The following KLC3 variants were observed in gnomAD, a reference collection of about 807,000 sequenced individuals.
KLC3 encodes kinesin light chain 3.
Under a neutral mutation model 62.9 loss-of-function variants are expected in KLC3, and 72 were observed. The observed-to-expected ratio is 1.15, with a 90% CI of 0.95 to 1.39. The LOEUF (loss-of-function observed/expected upper bound fraction) is 1.39, where lower values mean the gene tolerates loss of function less well. KLC3 is among the 40% of genes most tolerant of loss of function. The probability of loss-of-function intolerance (pLI) is 0.00; values close to 1 mark genes in which losing one functional copy is unlikely to be tolerated. For missense variants in KLC3, 848 were observed against 691.6 expected (o/e 1.23, Z -2.54); for synonymous variants, 377 against 300.5 (o/e 1.25, Z -2.63).
At position 45,345,804 on chromosome 19, in the gene KLC3, G is replaced by A. The variant is rs1599706675; in HGVS notation, c.258+5G>A. 3 of 1,544,814 alleles carry A rather than the reference G, an allele frequency of 1.9e-6. No homozygotes were observed. In the African/African-American group the frequency reaches 4.1e-5, roughly 21 times the overall value. ...CTGGGGCTGGGCGAGGCCCAGGTAT[G>A]AGGGGGCCAGGTGGGGAGCTGGGGG... On this transcript the variant is annotated splice_donor_5th_base_variant and intron_variant, in intron 2 of 12. Transcript: ENST00000391946.
intron 1 of KLC3, among the ~76,000 whole-genome samples, chr19:45,341,576 T>TGCGC (rs1188553164): frequency 3.2e-4 from 41 of 130,048 alleles, no homozygotes; most frequent in African/African-American, 9.1e-4. Context: ...TGTGTGTGTG[T>TGCGC]GTGCGCGCGC....
rs1568523152 is a variant in KLC3, at chr19:45,347,362, AAAC to A, written c.490-82_490-80del. 19 of 1,064,548 alleles carry A rather than the reference AAAC, an allele frequency of 1.8e-5. No individual in the cohort carries two copies. In the African/African-American group the frequency reaches 2.3e-4, roughly 13 times the overall value. 65.9% of individuals were successfully genotyped at this position (1,064,548 alleles called of 1,614,324 possible). A position where few individuals can be genotyped will look rare whatever the true frequency, so the allele number is the denominator to read the frequency against. On this transcript the variant is annotated intron_variant, in intron 3 of 12. Coordinates refer to ENST00000391946, the MANE Select transcript of KLC3 (RefSeq NM_177417.3). Reference sequence around the variant, plus strand: ...TCTCAAAAAAAAAAAAAAAACAAAAAAACAAAAACCTGAGATAGAGCCAGGGCC... The same window carrying A: ...TCTCAAAAAAAAAAAAAAAACAAAAAAAAAACCTGAGATAGAGCCAGGGCC...
chr19:45,350,906 G>A (rs1221589468), intron 11 of KLC3, 48 bp from the exon 12 acceptor site: 44 of 1,594,950 alleles, frequency 2.8e-5, no homozygotes, highest in Non-Finnish European at 3.6e-5. Flanking sequence ...TCGTGGAGGG[G>A]GGCCACTCCT....
intron 1 of KLC3, among the ~76,000 whole-genome samples, chr19:45,341,295 CTGTG>C (rs759172989): frequency 5.8e-4 from 88 of 151,366 alleles, no homozygotes; most frequent in Non-Finnish European, 1.0e-3. Context: ...TGTGATGGGA[CTGTG>C]TGTATGATGT....
chr19:45,346,859 C>A, intron 3 of KLC3, 85 bp downstream of exon 3: 1 of 1,254,622 alleles, frequency 8.0e-7, no homozygotes. Context: ...ATCCCACAGT[C>A]CCCAAGATCC....
intron 8 of KLC3, 181 bp downstream of exon 8, chr19:45,349,783 T>G: frequency 1.7e-6 from 1 of 597,550 alleles, no homozygotes; most frequent in Non-Finnish European, 2.8e-6. Flanking sequence ...AGGAAACGCG[T>G]AAGTCCACGG....
At chr19:45,349,702 G>GGGGGCCCCCCAGGCC (rs1555774277) in intron 8 of KLC3, 100 bp downstream of exon 8, 41 of 813,446 alleles carry the variant, frequency 5.0e-5, no homozygotes, top group Admixed American at 6.3e-5. Context: ...AGGGTGGGGG[G>GGGGGCCCCCCAGGCC]GGGCCCCCCA....
In KLC3 at chr19:45,351,280, C is replaced by A. The variant is rs371604056; in HGVS notation, c.1444-6C>A. ...CCCTCCAACCATCCCCTGTGCCTGT[C>A]TCCAGTTTCCCAGCTGGCACCTGGA... is the stretch of plus-strand genomic sequence containing the variant. On this transcript the variant is annotated splice_region_variant and splice_polypyrimidine_tract_variant and intron_variant, in intron 12 of 12. Coordinates refer to ENST00000391946, the MANE Select transcript of KLC3 (RefSeq NM_177417.3). 6.0e-5 allele frequency: 96 copies of A among 1,612,338 alleles called. No individual in the cohort carries two copies. Among genetic ancestry groups the A allele is most frequent in the Non-Finnish European group, 1.7e-6 (2 of 1,179,882 alleles).
chr19:45,349,901 C>A (rs192908789), intron 8 of KLC3: 3 of 457,484 alleles, frequency 6.6e-6, no homozygotes, highest in Non-Finnish European at 3.9e-6. Flanking sequence ...GTCCCCACAT[C>A]GCTAGTTCTT....
At position 45,350,531 on chromosome 19, in the gene KLC3, ACAGCTGGTGACG is replaced by A; in HGVS notation, c.1256_1267del (p.Ala419_Ala422del). ...CCCCCTAGGTGCCCCCAACACAGGC[ACAGCTGGTGACG>A]CAGAACAGGTGAGGATGGGCTGTGC... On this transcript the variant is annotated inframe_deletion, in exon 10 of 13. Transcript: ENST00000391946. 6.2e-7 allele frequency: 1 copy of A among 1,609,708 alleles called. No homozygotes were observed. The highest frequency in any genetic ancestry group is 8.5e-7 in the Non-Finnish European group (1 of 1,178,386).
intron 11 of KLC3, 52 bp from the exon 12 acceptor site, chr19:45,350,902 A>AG (rs1314427893): frequency 1.3e-5 from 20 of 1,581,306 alleles, no homozygotes; most frequent in African/African-American, 4.2e-5. Context: ...TCCCTCGTGG[A>AG]GGGGGGCCAC....
Position 45,348,635 on chromosome 19 carries a change from G to GCC in KLC3, c.780-6_780-5dup. 6.4e-7 allele frequency: 1 copy of GCC among 1,563,890 alleles called. No homozygotes were observed. The highest frequency in any genetic ancestry group is 1.2e-5 in the South Asian group (1 of 84,938). On this transcript the variant is annotated splice_polypyrimidine_tract_variant and intron_variant, in intron 5 of 12. Coordinates refer to ENST00000391946, the MANE Select transcript of KLC3 (RefSeq NM_177417.3). Reference sequence around the variant, plus strand: ...GGCTAACCCCCTCCATTCCTGGGGCGCCCCCCACAGGGACCAGAACAAGTA... The same window carrying GCC: ...GGCTAACCCCCTCCATTCCTGGGGCGCCCCCCCCACAGGGACCAGAACAAGTA...
At chr19:45,342,518 G>T (rs554077633) in intron 1 of KLC3, among the ~76,000 whole-genome samples, 1 of 152,164 alleles carries the variant, frequency 6.6e-6, no homozygotes, top group East Asian at 1.9e-4. Context: ...CCAGCACTTT[G>T]GGAGGCCAAG....
At chr19:45,343,276 GGAGTGGGA>G (rs1971426834) in intron 1 of KLC3, among the ~76,000 whole-genome samples, 1 of 152,060 alleles carries the variant, frequency 6.6e-6, no homozygotes, top group South Asian at 2.1e-4. Flanking sequence ...AGTGATTTGG[GGAGTGGGA>G]GAGACAGAGT....
Position 45,347,817 on chromosome 19 carries a change from G to T in KLC3, c.560-124G>T, listed in dbSNP as rs147269702. ...AGTGACTCCTATCTCAGAAGTTAGC[G>T]TGGGGGCCCATAGTCCCAGGGGCCA... On this transcript the variant is annotated intron_variant, in intron 4 of 12. Coordinates refer to ENST00000391946, the MANE Select transcript of KLC3 (RefSeq NM_177417.3). The T allele has an allele frequency of 2.5e-4, 198 of 793,248 alleles. No homozygotes were observed. The African/African-American group carries it at 2.9e-3, about 12-fold the overall frequency. The allele number at this position is 793,248 out of a possible 1,614,324, so 49.1% of individuals were successfully genotyped here.
Position 45,349,358 on chromosome 19 carries a change from C to G in KLC3, c.970-71C>G, listed in dbSNP as rs1363836571. On this transcript the variant is annotated intron_variant, in intron 7 of 12. Transcript: ENST00000391946. ...CCTGTAATCCCCAACTCATGACCAC[C>G]ATACAGCAGTGATGTCACGTGTCCC... 4 of 1,470,918 alleles carry G rather than the reference C, an allele frequency of 2.7e-6. No homozygotes were observed. In the African/African-American group the frequency reaches 5.6e-5, roughly 21 times the overall value. The allele number at this position is 1,470,918 out of a possible 1,614,324, so 91.1% of individuals were successfully genotyped here.
At position 45,350,960 on chromosome 19, in the gene KLC3, G is replaced by C; in HGVS notation, c.1386G>C (p.Lys462Asn). 1 of 1,614,130 alleles carries C rather than the reference G, an allele frequency of 6.2e-7. No individual in the cohort carries two copies. The highest frequency in any genetic ancestry group is 8.5e-7 in the Non-Finnish European group (1 of 1,180,000). The change falls in exon 12 of 13, where the codon AAG becomes AAC. Residue 462 changes from lysine (K) to asparagine (N), a missense_variant. By Grantham distance (94) the Lys-to-Asn change is moderately conservative. Coordinates refer to ENST00000391946, the MANE Select transcript of KLC3 (RefSeq NM_177417.3). ...CCTGCTGCCCTCTTTGCAGAATGAA[G>C]AGAGCCATGTCACTCAACACACTGA... Reference protein sequence around the residue: ...GEAAAGAAGMKRAMSLNTLNV... With the variant: ...GEAAAGAAGMNRAMSLNTLNV...
intron 5 of KLC3, among the ~76,000 whole-genome samples, 194 bp from the exon 6 acceptor site, chr19:45,348,452 A>G (rs1971565128): frequency 6.6e-6 from 1 of 152,120 alleles, no homozygotes; most frequent in African/African-American, 2.4e-5. Context: ...AGCTTGGCAG[A>G]GGTCTGGGGG....
chr19:45,349,984 A>C (rs1338142517), intron 8 of KLC3: 2 of 421,316 alleles, frequency 4.7e-6, no homozygotes, highest in East Asian at 4.1e-5. Context: ...AGGCCATGCC[A>C]CCAGCCCAAA....
Sources: allele counts gnomAD v4.1 joint callset (sites outside exome capture counted in the v4.1 genomes callset), GRCh38; gene constraint gnomAD v4.1.1; transcripts MANE v1.5; gene names NCBI Gene and HGNC (gene_info 2026-07-23, HGNC 2026-07-21).